Variants in TYMS observed in about 807,000 individuals in gnomAD.
TYMS encodes thymidylate synthase.
TYMS carries 21 observed loss-of-function variants against 39.3 expected under a neutral mutation model. The observed-to-expected ratio is 0.54, with a 90% CI of 0.38 to 0.77. TYMS has a LOEUF of 0.77. Ranked by LOEUF, TYMS falls within the 30% of genes least tolerant of loss-of-function variation. The pLI, the probability that TYMS is intolerant of heterozygous loss-of-function variation, is 0.00. For missense variants in TYMS, 273 were observed against 406.7 expected (o/e 0.67, Z 2.83); for synonymous variants, 171 against 162.2 (o/e 1.05, Z -0.41).
At chr18:671,712 G>T in intron 6 of TYMS, 3 of 496,528 alleles carry the variant, frequency 6.0e-6, no homozygotes, top group Non-Finnish European at 1.1e-5. Flanking sequence ...TCAAGCCAGG[G>T]GATTGTCCAA....
At chr18:667,010 GT>G (rs1343454309) in intron 3 of TYMS, among the ~76,000 whole-genome samples, 1 of 7,330 alleles carries the variant, frequency 1.4e-4, no homozygotes. Context: ...GATGGTGATG[GT>G]GATGGAGATG....
chr18:661,309 C>T (rs571045151), intron 2 of TYMS, among the ~76,000 whole-genome samples: 1 of 152,304 alleles, frequency 6.6e-6, no homozygotes, highest in African/African-American at 2.4e-5. Context: ...TCTAAGGAAT[C>T]CTTGCCAGGA....
intron 4 of TYMS, 69 bp from the exon 5 acceptor site, chr18:670,623 T>C (rs1295569705): frequency 1.3e-6 from 2 of 1,553,590 alleles, no homozygotes; most frequent in East Asian, 4.5e-5. Context: ...TCTCTCCTGT[T>C]TTACTTTGCC....
chr18:660,519 C>T lies in TYMS; in HGVS notation c.279+805C>T, dbSNP rs2074746493. Among the ~76,000 whole-genome samples the T allele has an allele frequency of 1.3e-5, 2 of 152,170 alleles. No individual in the cohort carries two copies. Among genetic ancestry groups the T allele is most frequent in the South Asian group, 2.1e-4 (1 of 4,834 alleles). On this transcript the variant is annotated intron_variant, in intron 2 of 6. Transcript: ENST00000323274. This position sits in a 1 kb window ranked among gnomAD's most constrained non-coding sequence, Gnocchi z 4.6. ...TTGTTTCTCGTGTTCACTGTTGTAT[C>T]GCCAGGGCCTCAAACACAGCCTGCC... is the stretch of plus-strand genomic sequence containing the variant.
chr18:669,211 T>C (rs781479005), intron 4 of TYMS, 38 bp downstream of exon 4: 2 of 1,570,578 alleles, frequency 1.3e-6, no homozygotes, highest in Non-Finnish European at 1.8e-6. Flanking sequence ...ATACTAACCA[T>C]ACTCTTAGAG....
In TYMS at chr18:673,119, A is replaced by G; in HGVS notation, c.*122A>G. On this transcript the variant is annotated 3_prime_UTR_variant, in exon 7 of 7. Coordinates refer to ENST00000323274, the MANE Select transcript of TYMS (RefSeq NM_001071.4). Reference sequence around the variant, plus strand: ...TAGGTCAAAAATCTGTCCGTGACCTATCAGTTATTAATTTTTAAGGATGTT... The same window carrying G: ...TAGGTCAAAAATCTGTCCGTGACCTGTCAGTTATTAATTTTTAAGGATGTT... 1.8e-6 allele frequency: 2 copies of G among 1,096,972 alleles called. No homozygotes were observed. Among genetic ancestry groups the G allele is most frequent in the South Asian group, 2.6e-5 (1 of 38,296 alleles). 68.0% of individuals were successfully genotyped at this position (1,096,972 alleles called of 1,614,324 possible). A position where few individuals can be genotyped will look rare whatever the true frequency, so the allele number is the denominator to read the frequency against.
At chr18:666,252 A>G (rs1004618792) in intron 3 of TYMS, among the ~76,000 whole-genome samples, 9 of 151,300 alleles carry the variant, frequency 5.9e-5, no homozygotes, top group Admixed American at 2.0e-4. Flanking sequence ...GTGCTGGGGA[A>G]TGGGAAGTTC....
chr18:663,837 T>C (rs200120080), intron 3 of TYMS, among the ~76,000 whole-genome samples: 16,585 of 69,044 alleles, frequency 0.24, 2,470 homozygotes, highest in African/African-American at 0.43. Flanking sequence ...AGATATGCGG[T>C]GTTATTTCTG....
rs116569088 is a variant in TYMS at position 658,918 on chromosome 18, A to G, written c.206-723A>G. Among the ~76,000 whole-genome samples, 3,769 of 152,282 alleles carry G rather than the reference A, an allele frequency of 0.025. 151 individuals carry two copies. The highest frequency in any genetic ancestry group is 0.085 in the African/African-American group (3,545 of 41,544). ...ACCCATCTAGAGACGAATACATAGCAGCTGCTGTGGCTGATTGGCGTGGGA... is the reference window on the plus strand; with the variant it reads ...ACCCATCTAGAGACGAATACATAGCGGCTGCTGTGGCTGATTGGCGTGGGA... On this transcript the variant is annotated intron_variant, in intron 1 of 6. Transcript: ENST00000323274. The surrounding 1 kb of genome is among the most constrained non-coding windows in gnomAD (Gnocchi z 4.5).
rs971998782 is a variant in TYMS, at chr18:671,125, G to C, written c.733-255G>C. 1.1e-5 allele frequency: 7 copies of C among 614,916 alleles called. No individual in the cohort carries two copies. The African/African-American group carries it at 1.3e-4, about 11-fold the overall frequency. 38.1% of individuals were successfully genotyped at this position (614,916 alleles called of 1,614,324 possible). On this transcript the variant is annotated intron_variant, in intron 5 of 6. Transcript: ENST00000323274. ...TGGATTTTCTCAAAAGCTATGCTGA[G>C]GTTGGGTATGGTGGCTCATGCCTGT...
At chr18:667,179 TGATGGTGATGGA>T (rs2074856251) in intron 3 of TYMS, among the ~76,000 whole-genome samples, 6 of 64,774 alleles carry the variant, frequency 9.3e-5, no homozygotes, top group Admixed American at 1.3e-4. Flanking sequence ...ATGGTGATGG[TGATGGTGATGGA>T]GATGGTGATG....
Position 657,853 on chromosome 18 carries a change from C to T in TYMS, c.111C>T (p.Ile37=). ...PHGELQYLGQ[I]QHILRCGVRK... is the part of the protein sequence containing the mutation. ...GGGAGCTGCAGTACCTGGGGCAGAT[C>T]CAACACATCCTCCGCTGCGGCGTCA... The change falls in exon 1 of 7, where the codon ATC becomes ATT. Residue 37 remains isoleucine, a synonymous_variant. Transcript: ENST00000323274. 6.6e-7 allele frequency: 1 copy of T among 1,507,212 alleles called. No homozygotes were observed. Among genetic ancestry groups the T allele is most frequent in the South Asian group, 1.4e-5 (1 of 73,432 alleles). The allele number at this position is 1,507,212 out of a possible 1,614,324, so 93.4% of individuals were successfully genotyped here.
chr18:665,128 G>A (rs1333648015), intron 3 of TYMS, among the ~76,000 whole-genome samples: 17 of 149,678 alleles, frequency 1.1e-4, no homozygotes, highest in Admixed American at 1.1e-3. Flanking sequence ...GTAGAATTCG[G>A]CTGTGAATCC....
chr18:663,104 A>G (rs1349888610), intron 3 of TYMS, among the ~76,000 whole-genome samples: 1 of 97,708 alleles, frequency 1.0e-5, no homozygotes, highest in African/African-American at 6.6e-5. Context: ...GACTTCCACA[A>G]TGGTTGAACT....
chr18:658,616 G>C lies in TYMS; in HGVS notation c.205+669G>C. 1 of 217,144 alleles carries C rather than the reference G, an allele frequency of 4.6e-6. No homozygotes were observed. Among genetic ancestry groups the C allele is most frequent in the Non-Finnish European group, 9.0e-6 (1 of 111,592 alleles). The allele number at this position is 217,144 out of a possible 1,614,324, so 13.5% of individuals were successfully genotyped here. Reference sequence around the variant, plus strand: ...AAAAAATGTCTCGCGGGTCATTGGCGCCAGGCTTTCAGGGGACAGTGGGGC... The same window carrying C: ...AAAAAATGTCTCGCGGGTCATTGGCCCCAGGCTTTCAGGGGACAGTGGGGC... On this transcript the variant is annotated intron_variant, in intron 1 of 6. Transcript: ENST00000323274. The surrounding 1 kb of genome is among the most constrained non-coding windows in gnomAD (Gnocchi z 4.5).
rs1567987421 is a variant in TYMS at position 662,264 on chromosome 18, C to T, written c.398C>T (p.Pro133Leu). ...ACCAGAGAAGAAGGGGACTTGGGCC[C>T]AGTTTATGGCTTCCAGTGGAGGCAT... The part of the protein sequence containing the change: ...FSTREEGDLG[P>L]VYGFQWRHFG... Residue 133 changes from proline (P) to leucine (L), a missense_variant, in exon 3 of 7, where the codon CCA (proline) becomes CTA (leucine). Coordinates refer to ENST00000323274, the MANE Select transcript of TYMS (RefSeq NM_001071.4). The T allele has an allele frequency of 6.2e-7, 1 of 1,613,844 alleles. No homozygotes were observed.
Position 658,654 on chromosome 18 carries a change from G to GC in TYMS, c.205+708dup. 1 of 247,084 alleles carries GC rather than the reference G, an allele frequency of 4.0e-6. No individual in the cohort carries two copies. The highest frequency in any genetic ancestry group is 3.8e-5 in the South Asian group (1 of 26,238). 15.3% of individuals were successfully genotyped at this position (247,084 alleles called of 1,614,324 possible). A position where few individuals can be genotyped will look rare whatever the true frequency, so the allele number is the denominator to read the frequency against. On this transcript the variant is annotated intron_variant, in intron 1 of 6. Coordinates refer to ENST00000323274, the MANE Select transcript of TYMS (RefSeq NM_001071.4). The surrounding 1 kb of genome is among the most constrained non-coding windows in gnomAD (Gnocchi z 4.5). ...GGGACAGTGGGGCGGGGCGGGGTGG[G>GC]CACAGGACGTTAGGCAGCCGTTGGC...
At chr18:659,829 A>G (rs2853539) in intron 2 of TYMS, 115 bp downstream of exon 2, 443,121 of 887,410 alleles carry the variant, frequency 0.5, 115,663 homozygotes, top group African/African-American at 0.79. Flanking sequence ...TAATCCCACC[A>G]CTTTGGGAGG....
chr18:666,788 G>C (rs1217177585), intron 3 of TYMS, among the ~76,000 whole-genome samples: 1 of 152,266 alleles, frequency 6.6e-6, no homozygotes, highest in African/African-American at 2.4e-5. Flanking sequence ...CTTAAAGGCA[G>C]AAAGTGGAAT....
Sources: allele counts gnomAD v4.1 joint callset (sites outside exome capture counted in the v4.1 genomes callset), GRCh38; gene constraint gnomAD v4.1.1; non-coding constraint Gnocchi (gnomAD v3.1); transcripts MANE v1.5; gene names NCBI Gene and HGNC (gene_info 2026-07-23, HGNC 2026-07-21).